INTS1: variants seen among roughly 807,000 people sequenced by gnomAD.
The protein encoded by INTS1 is integrator complex subunit 1.
INTS1 carries 137 observed loss-of-function variants against 241.6 expected under a neutral mutation model. The observed-to-expected ratio is 0.57, with a 90% CI of 0.49 to 0.65. INTS1 has a LOEUF of 0.65. INTS1 is among the 30% of genes least tolerant of loss of function. The probability of loss-of-function intolerance (pLI) is 0.00; values close to 1 mark genes in which losing one functional copy is unlikely to be tolerated. For synonymous variants in INTS1, 1,692 were observed against 1,337.8 expected (o/e 1.26, Z -5.78); for missense variants, 3,073 against 3,032.2 (o/e 1.01, Z -0.32).
At chr7:1,474,660 T>C (rs186956818) in intron 40 of INTS1, 45 bp downstream of exon 40, 11 of 1,528,932 alleles carry the variant, frequency 7.2e-6, no homozygotes, top group South Asian at 1.2e-5. Context: ...CAGACCCCCC[T>C]GGTTAAACCA....
rs780954175 is a variant in INTS1 at position 1,498,444 on chromosome 7, C to A, written c.1393G>T (p.Ala465Ser). ...NPNNMQVLYT[A>S]LQHSSELAPK... ...GCCAGCTCTGAGCTGTGCTGCAGTG[C>A]GGTATAGAGGACCTGCATGTTGTTC... Residue 465 changes from alanine to serine, a missense_variant, in exon 10 of 48, where the codon GCA becomes TCA. Ala to Ser is a moderately conservative substitution (Grantham distance 99, BLOSUM62 1). Coordinates refer to ENST00000404767, the MANE Select transcript of INTS1 (RefSeq NM_001080453.3). 3 of 1,613,846 alleles carry A rather than the reference C, an allele frequency of 1.9e-6. No homozygotes were observed. The South Asian group carries it at 3.3e-5, about 18-fold the overall frequency.
chr7:1,485,667 G>A, intron 22 of INTS1, 198 bp from the exon 23 acceptor site: 1 of 618,340 alleles, frequency 1.6e-6, no homozygotes, highest in East Asian at 2.8e-5. Context: ...AGTTCCTGAA[G>A]CCACTCTGGA....
At chr7:1,503,817 C>A (rs1328541105) in intron 2 of INTS1, 86 bp downstream of exon 2, 1 of 1,002,490 alleles carries the variant, frequency 1.0e-6, no homozygotes, top group South Asian at 1.5e-5. Flanking sequence ...CCAAGCCCAA[C>A]GCAGGATCCG....
At chr7:1,495,976 G>A (rs909968135) in intron 12 of INTS1, among the ~76,000 whole-genome samples, 180 bp downstream of exon 12, 6 of 152,310 alleles carry the variant, frequency 3.9e-5, no homozygotes, top group African/African-American at 7.2e-5. Flanking sequence ...CAGCTGGGGT[G>A]AGGCCCGGAT....
At chr7:1,500,079 G>T in intron 4 of INTS1, 58 bp from the exon 5 acceptor site, 1 of 1,599,860 alleles carries the variant, frequency 6.3e-7, no homozygotes, top group South Asian at 1.1e-5. Flanking sequence ...GCAAAGCTGG[G>T]GTGGGCCGGG....
At chr7:1,479,300 A>G in intron 31 of INTS1, 130 bp downstream of exon 31, 3 of 1,116,964 alleles carry the variant, frequency 2.7e-6, no homozygotes, top group Non-Finnish European at 3.7e-6. Flanking sequence ...TCCCTGGGGC[A>G]CTGTCCTTTC....
intron 40 of INTS1, 99 bp from the exon 41 acceptor site, chr7:1,474,459 G>A (rs890518111): frequency 6.8e-5 from 88 of 1,291,234 alleles, no homozygotes; most frequent in South Asian, 4.7e-4. Flanking sequence ...GCCAGACCCC[G>A]TGCTGCCCCC....
intron 18 of INTS1, among the ~76,000 whole-genome samples, chr7:1,488,928 G>A (rs193083190): frequency 2.4e-4 from 37 of 152,278 alleles, no homozygotes; most frequent in African/African-American, 8.7e-4. Context: ...GTCACACCTG[G>A]CCCACTGGCC....
Position 1,487,119 on chromosome 7 carries a change from G to T in INTS1, c.2647-18C>A. The T allele has an allele frequency of 6.5e-7, 1 of 1,540,098 alleles. No individual in the cohort carries two copies. The highest frequency in any genetic ancestry group is 1.2e-5 in the South Asian group (1 of 84,132). On this transcript the variant is annotated intron_variant, in intron 20 of 47. Transcript: ENST00000404767. ...GAGGAGGCCTGGGCAGGCGACAGTG[G>T]CGCCCGCTCAGCACCTTCCAGGCCC...
At chr7:1,500,086 C>T in intron 4 of INTS1, 65 bp from the exon 5 acceptor site, 12 of 898,404 alleles carry the variant, frequency 1.3e-5, no homozygotes, top group South Asian at 9.3e-5. Flanking sequence ...TGGGGTGGGC[C>T]GGGAGGGACA....
rs1781906280 is a variant in INTS1 at position 1,479,783 on chromosome 7, C to T, written c.4075-99G>A. On this transcript the variant is annotated intron_variant, in intron 30 of 47. Coordinates refer to ENST00000404767, the MANE Select transcript of INTS1 (RefSeq NM_001080453.3). ...CCGGTGCAGCTCCGTGCCAGAACCG[C>T]GTCCCATCGTGTCCCTGTTCATTCG... The T allele has an allele frequency of 3.1e-5, 39 of 1,269,312 alleles. No individual in the cohort carries two copies. In the South Asian group the frequency reaches 3.3e-4, roughly 11 times the overall value. 78.6% of individuals were successfully genotyped at this position (1,269,312 alleles called of 1,614,324 possible). A position where few individuals can be genotyped will look rare whatever the true frequency, so the allele number is the denominator to read the frequency against.
Position 1,481,116 on chromosome 7 carries a change from G to A in INTS1, c.3851-183C>T, listed in dbSNP as rs1002840644. ...ACAGCTCCCTCCAAGCTCAAAACACGGCCCTAGGGGGTGCCTGGCCCCAGG... is the reference window on the plus strand; with the variant it reads ...ACAGCTCCCTCCAAGCTCAAAACACAGCCCTAGGGGGTGCCTGGCCCCAGG... On this transcript the variant is annotated intron_variant, in intron 28 of 47. Coordinates refer to ENST00000404767, the MANE Select transcript of INTS1 (RefSeq NM_001080453.3). This position sits in a 1 kb window ranked among gnomAD's most constrained non-coding sequence, Gnocchi z 6.8. The A allele has an allele frequency of 2.2e-5, 15 of 684,608 alleles. No homozygotes were observed. Among genetic ancestry groups the A allele is most frequent in the Non-Finnish European group, 3.5e-5 (14 of 395,790 alleles). 42.4% of individuals were successfully genotyped at this position (684,608 alleles called of 1,614,324 possible). A position where few individuals can be genotyped will look rare whatever the true frequency, so the allele number is the denominator to read the frequency against.
In INTS1 at chr7:1,484,715, C is replaced by A. The variant is rs377473832; in HGVS notation, c.3261+383G>T. 2.0e-5 allele frequency among the ~76,000 whole-genome samples: 3 copies of A among 152,222 alleles called. No homozygotes were observed. In the East Asian group the frequency reaches 5.8e-4, roughly 29 times the overall value. ...AGATTCCACCCTGCTGTGAACAAGG[C>A]ACCCTCACCCCCGTGGCTTCGCATC... On this transcript the variant is annotated intron_variant, in intron 24 of 47. Transcript: ENST00000404767.
intron 16 of INTS1, 110 bp downstream of exon 16, chr7:1,492,900 A>C: frequency 2.3e-6 from 1 of 436,078 alleles, no homozygotes. Flanking sequence ...AGCGGGGCGC[A>C]GGCTTACCCG....
At chr7:1,479,316 T>G in intron 31 of INTS1, 114 bp downstream of exon 31, 1 of 1,261,004 alleles carries the variant, frequency 7.9e-7, no homozygotes, top group Non-Finnish European at 1.1e-6. Flanking sequence ...CTTTCTCACT[T>G]GGAAACTGAG....
Position 1,502,992 on chromosome 7 carries a change from C to CA in INTS1, c.257dup (p.Ser87GlufsTer8). On this transcript the variant is annotated frameshift_variant, in exon 3 of 48. Coordinates refer to ENST00000404767, the MANE Select transcript of INTS1 (RefSeq NM_001080453.3). LOFTEE classifies it high-confidence loss of function. ...CCTCAGCCAGGCGCCCCAGGGCACT[C>CA]AGAGGGGGTGTGGAGGAGAGTTTGG... The CA allele has an allele frequency of 6.2e-7, 1 of 1,613,812 alleles. No homozygotes were observed.
intron 44 of INTS1, 154 bp from the exon 45 acceptor site, chr7:1,471,795 C>A: frequency 1.5e-6 from 1 of 672,204 alleles, no homozygotes; most frequent in Non-Finnish European, 2.6e-6. Flanking sequence ...CAGTCACCTG[C>A]CCCCAAGCTC....
At position 1,473,622 on chromosome 7, in the gene INTS1, A is replaced by G; in HGVS notation, c.5901T>C (p.Ile1967=). ...NKFVQFIHKY[I]TYNAPAAISF... ...AGATGGCTGCTGGGGCATTGTAGGT[A>G]ATGTACTTATGGATGAACTGCACAA... The change falls in exon 42 of 48, where the codon ATT becomes ATC. Residue 1967 remains isoleucine (I), a synonymous_variant. Coordinates refer to ENST00000404767, the MANE Select transcript of INTS1 (RefSeq NM_001080453.3). 6.2e-7 allele frequency: 1 copy of G among 1,612,990 alleles called. No homozygotes were observed. Among genetic ancestry groups the G allele is most frequent in the South Asian group, 1.1e-5 (1 of 90,934 alleles).
At position 1,476,801 on chromosome 7, in the gene INTS1, C is replaced by G. The variant is rs776121001; in HGVS notation, c.5056G>C (p.Glu1686Gln). 4 of 1,612,860 alleles carry G rather than the reference C, an allele frequency of 2.5e-6. No individual in the cohort carries two copies. Among genetic ancestry groups the G allele is most frequent in the Non-Finnish European group, 3.4e-6 (4 of 1,179,872 alleles). ...GGACAGGGAGGCGCCCACCTCTGTT[C>G]CCGGCTCTTGCCCAGCAGGACTCGG... ...CIRVLLGKSR[E>Q]QRFDPSASLD... is the part of the protein sequence containing the mutation. The change falls in exon 36 of 48, where the codon GAA becomes CAA. Residue 1686 changes from glutamate (E) to glutamine (Q), a missense_variant. By Grantham distance (29) the Glu-to-Gln change is conservative. Transcript: ENST00000404767.
Sources: allele counts gnomAD v4.1 joint callset (sites outside exome capture counted in the v4.1 genomes callset), GRCh38; gene constraint gnomAD v4.1.1; non-coding constraint Gnocchi (gnomAD v3.1); transcripts MANE v1.5; gene names NCBI Gene and HGNC (gene_info 2026-07-23, HGNC 2026-07-21).